The following PEAK1 variants were observed in gnomAD, a reference collection of about 807,000 sequenced individuals.
PEAK1 encodes the protein inactive tyrosine-protein kinase PEAK1.
A neutral mutation model predicts 124.7 loss-of-function variants in PEAK1; 54 were observed. The observed-to-expected ratio is 0.43, with a 90% CI of 0.35 to 0.54. The LOEUF (loss-of-function observed/expected upper bound fraction) is 0.54, where lower values mean the gene tolerates loss of function less well. PEAK1 is among the 20% of genes least tolerant of loss of function. PEAK1 has a pLI of 0.01. For missense variants in PEAK1, 2,046 were observed against 2,134.5 expected (o/e 0.96, Z 0.82); for synonymous variants, 719 against 760.0 (o/e 0.95, Z 0.89).
chr15:77,221,427 T>G (rs1274522806), intron 6 of PEAK1, among the ~76,000 whole-genome samples: 1 of 152,072 alleles, frequency 6.6e-6, no homozygotes, highest in African/African-American at 2.4e-5. Context: ...AGCCAGATGG[T>G]TGGTAATACG....
Position 77,221,448 on chromosome 15 carries a change from T to C in PEAK1, c.-115+30919A>G, listed in dbSNP as rs183293142. Among the ~76,000 whole-genome samples, 3 of 152,078 alleles carry C rather than the reference T, an allele frequency of 2.0e-5. No individual in the cohort carries two copies. The East Asian group carries it at 5.8e-4, about 29-fold the overall frequency. ...ATGGTTGGTAATACGTGTAGATATT[T>C]TGAAACATAGGCTGGCTGATTTCAA... On this transcript the variant is annotated intron_variant, in intron 6 of 9. Coordinates refer to ENST00000682557, the MANE Select transcript of PEAK1 (RefSeq NM_001385026.1).
At chr15:77,182,067 A>C (rs919875222) in intron 6 of PEAK1, 27 bp from the exon 7 acceptor site, 1 of 1,368,816 alleles carries the variant, frequency 7.3e-7, no homozygotes, top group Non-Finnish European at 9.4e-7. Flanking sequence ...AAGACAAAAA[A>C]TCTGAATGAA....
intron 2 of PEAK1, chr15:77,349,979 C>G (rs2067107548): frequency 1.2e-5 from 12 of 984,876 alleles, no homozygotes; most frequent in Non-Finnish European, 1.3e-5. Context: ...TAAAAAGGAT[C>G]AAGCATTATA....
intron 6 of PEAK1, among the ~76,000 whole-genome samples, chr15:77,224,866 T>C (rs996870287): frequency 6.6e-6 from 1 of 151,938 alleles, no homozygotes; most frequent in Admixed American, 6.6e-5. Flanking sequence ...CTGTGGTGAT[T>C]TTTGGTTTTG....
intron 5 of PEAK1, among the ~76,000 whole-genome samples, chr15:77,253,953 C>T (rs914384891): frequency 2.6e-5 from 4 of 151,682 alleles, no homozygotes; most frequent in African/African-American, 7.3e-5. Flanking sequence ...TGAGTAGCTG[C>T]GATTACAGGT....
rs557266010 is a variant in PEAK1, at chr15:77,192,741, C to T, written c.-114-10701G>A. Among the ~76,000 whole-genome samples, 9 of 152,154 alleles carry T rather than the reference C, an allele frequency of 5.9e-5. No homozygotes were observed. The East Asian group carries it at 1.7e-3, about 29-fold the overall frequency. On this transcript the variant is annotated intron_variant, in intron 6 of 9. Transcript: ENST00000682557. ...CACCAATTAGGAGAACCCTCAGAGG[C>T]ACAAATCAACAACACTCAAGGCCAT...
At chr15:77,300,206 G>T (rs117482743) in intron 2 of PEAK1, among the ~76,000 whole-genome samples, 3,283 of 152,156 alleles carry the variant, frequency 0.022, 51 homozygotes, top group Non-Finnish European at 0.035. Flanking sequence ...AAAGCCAAAG[G>T]GCTAATTTGT....
intron 8 of PEAK1, among the ~76,000 whole-genome samples, chr15:77,138,681 T>G (rs552720650): frequency 2.1e-4 from 32 of 152,140 alleles, no homozygotes; most frequent in African/African-American, 7.5e-4. Flanking sequence ...CTGGCCAACA[T>G]GGAAACCGTG....
At position 77,201,622 on chromosome 15, in the gene PEAK1, C is replaced by T. The variant is rs186315548; in HGVS notation, c.-114-19582G>A. 2.8e-3 allele frequency among the ~76,000 whole-genome samples: 432 copies of T among 152,196 alleles called. 3 individuals carry two copies. The highest frequency in any genetic ancestry group is 4.2e-3 in the Non-Finnish European group (283 of 68,000). ...GCTAATCAAGAAACTAAAGATTTAC[C>T]TCATAAAAAAATGATCATTTCTGCC... On this transcript the variant is annotated intron_variant, in intron 6 of 9. Coordinates refer to ENST00000682557, the MANE Select transcript of PEAK1 (RefSeq NM_001385026.1).
chr15:77,180,529 G>A lies in PEAK1; in HGVS notation c.1398C>T (p.Asn466=), dbSNP rs10519162. The change falls in exon 7 of 10, where the codon AAC becomes AAT. Residue 466 remains asparagine, a synonymous_variant. Coordinates refer to ENST00000682557, the MANE Select transcript of PEAK1 (RefSeq NM_001385026.1). ...EEQAKPYRVV[N]LEQPLCKPYT... is the part of the protein sequence containing the mutation. ...ATGGCTTGCACAATGGCTGTTCCAG[G>A]TTCACAACTCGGTAAGGTTTTGCTT... 0.097 allele frequency: 156,785 copies of A among 1,613,992 alleles called. 8,223 individuals are homozygous for A. Among genetic ancestry groups the A allele is most frequent in the Admixed American group, 0.13 (7,518 of 60,006 alleles).
chr15:77,414,188 T>C (rs1290820649), intron 1 of PEAK1, among the ~76,000 whole-genome samples: 1 of 150,832 alleles, frequency 6.6e-6, no homozygotes, highest in Non-Finnish European at 1.5e-5. Flanking sequence ...TCCTTCTGTC[T>C]TTCCTTCCTT....
At chr15:77,356,078 T>C in intron 2 of PEAK1, 1 of 317,460 alleles carries the variant, frequency 3.1e-6, no homozygotes. Flanking sequence ...CATTACTCAG[T>C]GATAAAAATT....
At chr15:77,381,400 TG>T in intron 1 of PEAK1, 2 of 864,818 alleles carry the variant, frequency 2.3e-6, no homozygotes, top group Non-Finnish European at 2.8e-6. Flanking sequence ...CACTTCAGTT[TG>T]GGCAACATAG....
intron 2 of PEAK1, among the ~76,000 whole-genome samples, chr15:77,321,409 A>G (rs540386126): frequency 1.3e-5 from 2 of 152,338 alleles, no homozygotes; most frequent in East Asian, 3.9e-4. Flanking sequence ...TCTGATGGCC[A>G]GTGATGATGG....
chr15:77,367,477 T>C (rs1440647025), intron 1 of PEAK1, among the ~76,000 whole-genome samples: 1 of 152,190 alleles, frequency 6.6e-6, no homozygotes, highest in Non-Finnish European at 1.5e-5. Flanking sequence ...GATATACACA[T>C]TAGTCAAAAC....
At chr15:77,126,708 C>T (rs977409700) in intron 9 of PEAK1, among the ~76,000 whole-genome samples, 4 of 152,136 alleles carry the variant, frequency 2.6e-5, no homozygotes, top group African/African-American at 7.2e-5. Flanking sequence ...CCAAGAGAGG[C>T]GCATGACTTG....
At chr15:77,154,872 C>T (rs963039863) in intron 8 of PEAK1, among the ~76,000 whole-genome samples, 1,748 of 152,162 alleles carry the variant, frequency 0.011, 20 homozygotes, top group Non-Finnish European at 0.019. Flanking sequence ...GTCTGATGGG[C>T]TTCCCTTTGT....
At chr15:77,218,284 T>C (rs1047779321) in intron 6 of PEAK1, among the ~76,000 whole-genome samples, 2 of 152,184 alleles carry the variant, frequency 1.3e-5, no homozygotes, top group Admixed American at 1.3e-4. Flanking sequence ...AGGAAATTTC[T>C]TTATAATATT....
chr15:77,182,071 G>T, intron 6 of PEAK1, 31 bp from the exon 7 acceptor site: 1 of 1,361,930 alleles, frequency 7.3e-7, no homozygotes, highest in African/African-American at 1.5e-5. Context: ...CAAAAAATCT[G>T]AATGAAAAAG....
Sources: gnomAD v4.1 joint callset for allele counts (sites outside exome capture counted in the v4.1 genomes callset) on GRCh38, gnomAD v4.1.1 for gene constraint, MANE v1.5 for transcripts, NCBI Gene and HGNC (gene_info 2026-07-23, HGNC 2026-07-21) for gene names.